The following VWF variants were observed in gnomAD, a reference collection of about 807,000 sequenced individuals.
VWF encodes the protein Factor VIII related antigen.
Under a neutral mutation model 308.6 loss-of-function variants are expected in VWF, and 176 were observed. That is an observed-to-expected ratio of 0.57 (90% CI 0.50 to 0.65). The LOEUF is 0.65. Ranked by LOEUF, VWF falls within the 30% of genes least tolerant of loss-of-function variation. The probability of loss-of-function intolerance (pLI) is 0.00; values close to 1 mark genes in which losing one functional copy is unlikely to be tolerated. For missense variants in VWF, 3,146 were observed against 3,648.2 expected, an observed-to-expected ratio of 0.86 and a Z score of 3.55; for synonymous variants, 1,385 against 1,443.4, an observed-to-expected ratio of 0.96 and a Z score of 0.92.
intron 6 of VWF, among the ~76,000 whole-genome samples, chr12:6,077,141 C>A (rs1231159862): frequency 6.6e-6 from 1 of 152,232 alleles, no homozygotes; most frequent in Non-Finnish European, 1.5e-5. Context: ...GAGACCCCAT[C>A]TCTACTGAAA....
intron 34 of VWF, among the ~76,000 whole-genome samples, chr12:6,004,470 C>T (rs370780395): frequency 1.3e-4 from 20 of 151,306 alleles, no homozygotes; most frequent in Admixed American, 3.9e-4. Context: ...TGTGTGTGTG[C>T]GTGTGTGTGT....
chr12:6,031,129 G>A (rs532061236), intron 21 of VWF, among the ~76,000 whole-genome samples: 6 of 151,856 alleles, frequency 4.0e-5, no homozygotes, highest in African/African-American at 9.7e-5. Context: ...AAAGAAACCC[G>A]GCTACCCTCC....
intron 37 of VWF, among the ~76,000 whole-genome samples, 159 bp from the exon 38 acceptor site, chr12:5,992,177 CT>C (rs1385477935): frequency 6.6e-6 from 1 of 152,256 alleles, no homozygotes; most frequent in Non-Finnish European, 1.5e-5. Flanking sequence ...AGAAACAGAA[CT>C]TTAGGCTGGG....
intron 12 of VWF, 42 bp downstream of exon 12, chr12:6,064,204 G>A (rs1228243203): frequency 1.2e-6 from 2 of 1,613,738 alleles, no homozygotes; most frequent in African/African-American, 2.7e-5. Flanking sequence ...TAAGGGATGG[G>A]CTGTGCCAGC....
At position 6,018,760 on chromosome 12, in the gene VWF, C is replaced by T. The variant is rs779199328; in HGVS notation, c.4658G>A (p.Ser1553Asn). The change falls in exon 28 of 52, where the codon AGC becomes AAC. Residue 1553 changes from serine to asparagine, a missense_variant. Physicochemically the swap from Ser to Asn is conservative, Grantham distance 46. This residue lies in a region of VWF where 853 missense variants were observed against 1,177.8 expected (regional missense o/e 0.72). Coordinates refer to ENST00000261405, the MANE Select transcript of VWF (RefSeq NM_000552.5). ...SYMVTVEYPF[S>N]EAQSKGDILQ... ...GATGTCCCCTTTGGACTGTGCCTCG[C>T]TGAAGGGGTACTCCACAGTCACCAT... is the stretch of plus-strand genomic sequence containing the variant. 2 of 1,613,620 alleles carry T rather than the reference C, an allele frequency of 1.2e-6. No individual in the cohort carries two copies. The highest frequency in any genetic ancestry group is 8.5e-7 in the Non-Finnish European group (1 of 1,179,916).
chr12:6,046,032 G>A lies in VWF; in HGVS notation c.2281+691C>T, dbSNP rs1378009291. ...GAGGTCAGGAGTTCAAGACCAGCCT[G>A]GCCAACATGGCAAAACCCCGTCTCT... On this transcript the variant is annotated intron_variant, in intron 17 of 51. Transcript: ENST00000261405. This position sits in a 1 kb window ranked among gnomAD's most constrained non-coding sequence, Gnocchi z 5.0. Among the ~76,000 whole-genome samples the A allele has an allele frequency of 1.3e-5, 2 of 152,132 alleles. No homozygotes were observed. The highest frequency in any genetic ancestry group is 2.9e-5 in the Non-Finnish European group (2 of 68,024).
intron 34 of VWF, among the ~76,000 whole-genome samples, chr12:5,999,362 T>C (rs548314315): frequency 3.3e-4 from 50 of 151,888 alleles, no homozygotes; most frequent in Non-Finnish European, 5.9e-4. Context: ...GGAAAGGTGC[T>C]TGGAAAGTGA....
At chr12:5,978,484 G>A (rs1943556551) in intron 42 of VWF, among the ~76,000 whole-genome samples, 1 of 152,132 alleles carries the variant, frequency 6.6e-6, no homozygotes, top group Admixed American at 6.5e-5. Context: ...AGCTGGTCTT[G>A]AACTCCCAAC....
intron 6 of VWF, among the ~76,000 whole-genome samples, chr12:6,092,620 T>TGAGAGTGAGAGTGAGAGAGAGAGA (rs1250915385): frequency 3.8e-4 from 34 of 89,596 alleles, no homozygotes; most frequent in African/African-American, 1.0e-3. Flanking sequence ...TGAGTGAGAG[T>TGAGAGTGAGAGTGAGAGAGAGAGA]GTGTGTGTGT....
rs1001249182 is a variant in VWF at position 6,023,241 on chromosome 12, A to G, written c.3380-343T>C. 2.6e-5 allele frequency among the ~76,000 whole-genome samples: 4 copies of G among 152,326 alleles called. 1 individual carries two copies. Among genetic ancestry groups the G allele is most frequent in the Admixed American group, 2.6e-4 (4 of 15,304 alleles). Reference sequence around the variant, plus strand: ...CCGGCCCAGTTTTCTACATAAAAACATTAAGTTGCTTCTGTCCAAAGAAGC... The same window carrying G: ...CCGGCCCAGTTTTCTACATAAAAACGTTAAGTTGCTTCTGTCCAAAGAAGC... On this transcript the variant is annotated intron_variant, in intron 25 of 51. Transcript: ENST00000261405.
chr12:6,079,807 G>A (rs1410082953), intron 6 of VWF, among the ~76,000 whole-genome samples: 1 of 152,060 alleles, frequency 6.6e-6, no homozygotes, highest in African/African-American at 2.4e-5. Context: ...CTGGCTGACA[G>A]GGCAAAGCTC....
At chr12:6,042,385 C>T (rs1944405099) in intron 18 of VWF, among the ~76,000 whole-genome samples, 1 of 152,190 alleles carries the variant, frequency 6.6e-6, no homozygotes, top group South Asian at 2.1e-4. Flanking sequence ...ATCAGATGGG[C>T]CCAAACAGGG....
chr12:6,019,788 G>C lies in VWF; in HGVS notation c.3675-45C>G. 2 of 1,561,672 alleles carry C rather than the reference G, an allele frequency of 1.3e-6. No individual in the cohort carries two copies. Among genetic ancestry groups the C allele is most frequent in the South Asian group, 2.3e-5 (2 of 86,338 alleles). On this transcript the variant is annotated intron_variant, in intron 27 of 51. Transcript: ENST00000261405. This position sits in a 1 kb window ranked among gnomAD's most constrained non-coding sequence, Gnocchi z 5.8. The stretch of plus-strand genomic sequence containing the variant: ...AATTAAAATGGTTCAGGAAGAACCT[G>C]TGGACACTTCTGAGCCCTACAGTGT...
intron 2 of VWF, among the ~76,000 whole-genome samples, chr12:6,121,922 C>T (rs567691826): frequency 1.3e-5 from 2 of 151,376 alleles, no homozygotes; most frequent in Admixed American, 6.6e-5. Context: ...CAGAGTGAGA[C>T]TCTGTCTCGA....
At chr12:6,050,470 C>A (rs1046269230) in intron 16 of VWF, among the ~76,000 whole-genome samples, 7 of 152,232 alleles carry the variant, frequency 4.6e-5, no homozygotes, top group African/African-American at 1.7e-4. Flanking sequence ...CTGCTAAGAA[C>A]CTTCCAGGGG....
At chr12:6,009,043 T>A (rs1218044693) in intron 34 of VWF, among the ~76,000 whole-genome samples, 1 of 152,140 alleles carries the variant, frequency 6.6e-6, no homozygotes, top group African/African-American at 2.4e-5. Context: ...TTCTTGGATA[T>A]CATTGCCAAA....
chr12:6,110,774 A>G, intron 4 of VWF, 92 bp downstream of exon 4: 1 of 1,445,462 alleles, frequency 6.9e-7, no homozygotes, highest in Non-Finnish European at 9.7e-7. Flanking sequence ...ATTTGCTTCC[A>G]TTCTCTGGGC....
chr12:5,954,907 A>T (rs1943230235), intron 47 of VWF, among the ~76,000 whole-genome samples: 1 of 152,240 alleles, frequency 6.6e-6, no homozygotes, highest in Non-Finnish European at 1.5e-5. Context: ...GTGTCTCAGG[A>T]CTAAAATATT....
intron 17 of VWF, 138 bp from the exon 18 acceptor site, chr12:6,044,589 C>A: frequency 9.3e-7 from 1 of 1,071,682 alleles, no homozygotes; most frequent in Non-Finnish European, 1.4e-6. Context: ...CCAGCAGCTG[C>A]CTGAGCCAGG....
Sources: gnomAD v4.1 joint callset for allele counts (sites outside exome capture counted in the v4.1 genomes callset) on GRCh38, gnomAD v4.1.1 for gene constraint, gnomAD v4.1.1 regional missense constraint, Gnocchi (gnomAD v3.1) non-coding constraint, MANE v1.5 for transcripts, NCBI Gene and HGNC (gene_info 2026-07-23, HGNC 2026-07-21) for gene names.